Variants in LRRC37A2 observed in about 807,000 individuals in gnomAD.
LRRC37A2 encodes the protein leucine-rich repeat-containing protein 37A2.
LRRC37A2 carries 9 observed loss-of-function variants against 68.8 expected under a neutral mutation model. The ratio of observed to expected loss-of-function variants is 0.13; its 90% CI spans 0.08 to 0.23. The LOEUF (loss-of-function observed/expected upper bound fraction) is 0.23, where lower values mean the gene tolerates loss of function less well. LRRC37A2 is among the 10% of genes least tolerant of loss of function. LRRC37A2 has a pLI of 1.00. For missense variants in LRRC37A2, 168 were observed against 950.4 expected, an observed-to-expected ratio of 0.18 and a Z score of 10.82; for synonymous variants, 63 against 367.6, an observed-to-expected ratio of 0.17 and a Z score of 9.48.
At chr17:46,935,794 A>G in the LRRC37A2 span, 2 of 986,736 alleles carry the variant, frequency 2.0e-6, no homozygotes, top group Non-Finnish European at 2.4e-6. Flanking sequence ...GGAGTGGTTT[A>G]CAGAAACATT....
chr17:46,860,197 A>T, the LRRC37A2 span, among the ~76,000 whole-genome samples: 2 of 152,162 alleles, frequency 1.3e-5, no homozygotes, highest in Non-Finnish European at 2.9e-5. Context: ...TAGCCTCTTC[A>T]GTGGATGATG....
chr17:46,911,036 G>A, the LRRC37A2 span, among the ~76,000 whole-genome samples: 1 of 152,210 alleles, frequency 6.6e-6, no homozygotes, highest in Non-Finnish European at 1.5e-5. Context: ...TGGAGAGGAA[G>A]GTGGGTGCAG....
the LRRC37A2 span, among the ~76,000 whole-genome samples, chr17:46,724,331 A>G: frequency 6.6e-6 from 1 of 152,164 alleles, no homozygotes; most frequent in Non-Finnish European, 1.5e-5. Context: ...TTTTATTTAC[A>G]CTACTATATC....
intron 6 of LRRC37A2, among the ~76,000 whole-genome samples, chr17:46,533,430 A>G (rs963967004): frequency 7.5e-6 from 1 of 132,572 alleles, no homozygotes; most frequent in African/African-American, 3.3e-5. Context: ...GTCACACATT[A>G]CATCTTTATA....
the LRRC37A2 span, among the ~76,000 whole-genome samples, chr17:46,693,433 C>CCCTACATCACT: frequency 6.6e-6 from 1 of 151,608 alleles, no homozygotes; most frequent in African/African-American, 2.4e-5. Context: ...CCAGGGAGTG[C>CCCTACATCACT]GTTTCAGATC....
the LRRC37A2 span, among the ~76,000 whole-genome samples, chr17:46,783,948 A>T: frequency 6.6e-6 from 1 of 152,192 alleles, no homozygotes; most frequent in Admixed American, 6.5e-5. Flanking sequence ...AAATGAGACA[A>T]GAGGTGGGTG....
At chr17:46,965,361 T>G in the LRRC37A2 span, among the ~76,000 whole-genome samples, 2 of 152,204 alleles carry the variant, frequency 1.3e-5, no homozygotes, top group Non-Finnish European at 2.9e-5. Flanking sequence ...TGACAAGAAG[T>G]GCTGGGACAA....
chr17:46,715,210 A>G, the LRRC37A2 span, among the ~76,000 whole-genome samples: 98 of 152,370 alleles, frequency 6.4e-4, no homozygotes, highest in East Asian at 0.013. Context: ...TGCCAGATGC[A>G]AAAAGAACTT....
At chr17:46,418,243 G>T in the LRRC37A2 span, among the ~76,000 whole-genome samples, 2 of 66,286 alleles carry the variant, frequency 3.0e-5, no homozygotes, top group African/African-American at 7.1e-5. Context: ...GTGCGCGCGC[G>T]CGTGTGTGAA....
chr17:46,816,119 A>ACACGCACG, the LRRC37A2 span, among the ~76,000 whole-genome samples: 12 of 150,666 alleles, frequency 8.0e-5, no homozygotes, highest in Admixed American at 3.3e-4. Flanking sequence ...ACGTACACAC[A>ACACGCACG]CACACACACA....
At chr17:46,887,985 T>C in the LRRC37A2 span, among the ~76,000 whole-genome samples, 2 of 152,224 alleles carry the variant, frequency 1.3e-5, no homozygotes, top group East Asian at 3.8e-4. Context: ...CCAAACTCAG[T>C]GGCTGGGAGC....
the LRRC37A2 span, among the ~76,000 whole-genome samples, chr17:46,716,961 T>C: frequency 6.6e-6 from 1 of 152,216 alleles, no homozygotes; most frequent in Non-Finnish European, 1.5e-5. Flanking sequence ...ATCTGAACAA[T>C]CCCTTTTTGT....
chr17:46,791,898 G>A, the LRRC37A2 span, among the ~76,000 whole-genome samples: 1 of 152,092 alleles, frequency 6.6e-6, no homozygotes, highest in Non-Finnish European at 1.5e-5. Flanking sequence ...AAATTAGCTG[G>A]GTGTGGTGGT....
At chr17:46,938,468 A>G in the LRRC37A2 span, 1 of 1,409,562 alleles carries the variant, frequency 7.1e-7, no homozygotes. Context: ...TCTGGCTGAT[A>G]TTGCTTTCTG....
the LRRC37A2 span, among the ~76,000 whole-genome samples, chr17:46,901,803 AT>A: frequency 0.046 from 5,860 of 128,102 alleles, 156 homozygotes; most frequent in African/African-American, 0.12. Flanking sequence ...TGGAGCAAGA[AT>A]TTTTTTTTTT....
the LRRC37A2 span, among the ~76,000 whole-genome samples, chr17:46,488,792 C>T: frequency 8.0e-6 from 1 of 125,076 alleles, no homozygotes; most frequent in African/African-American, 3.1e-5. Context: ...AACTGGTCCC[C>T]GATGCCACAA....
the LRRC37A2 span, among the ~76,000 whole-genome samples, chr17:46,999,673 T>C: frequency 5.3e-5 from 8 of 151,964 alleles, no homozygotes; most frequent in Non-Finnish European, 8.8e-5. Context: ...TTAACCTCTC[T>C]GCATTTAGTT....
At chr17:46,773,114 G>A in the LRRC37A2 span, among the ~76,000 whole-genome samples, 1 of 152,268 alleles carries the variant, frequency 6.6e-6, no homozygotes, top group Admixed American at 6.5e-5. Context: ...TAGACTCCCA[G>A]GCTGCAAGAC....
At chr17:46,994,649 T>A in the LRRC37A2 span, among the ~76,000 whole-genome samples, 2 of 152,112 alleles carry the variant, frequency 1.3e-5, no homozygotes, top group Non-Finnish European at 2.9e-5. Flanking sequence ...CATCACTGCC[T>A]CCTGGGAAAA....
Sources: gnomAD v4.1 joint callset for allele counts (sites outside exome capture counted in the v4.1 genomes callset) on GRCh38, gnomAD v4.1.1 for gene constraint, MANE v1.5 for transcripts, NCBI Gene and HGNC (gene_info 2026-07-23, HGNC 2026-07-21) for gene names.